Variants in TIMMDC1 observed in about 807,000 individuals in gnomAD.
The protein encoded by TIMMDC1 is translocase of inner mitochondrial membrane domain containing 1.
Under a neutral mutation model 32.6 loss-of-function variants are expected in TIMMDC1, and 25 were observed. That is an observed-to-expected ratio of 0.77 (90% CI 0.56 to 1.07). The LOEUF is 1.07. Among genes scored for constraint, TIMMDC1 ranks in the 50% least tolerant of loss-of-function variants. The pLI, the probability that TIMMDC1 is intolerant of heterozygous loss-of-function variation, is 0.00. For synonymous variants in TIMMDC1, 130 were observed against 127.6 expected (o/e 1.02, Z -0.13); for missense variants, 329 against 349.2 (o/e 0.94, Z 0.46).
Position 119,513,646 on chromosome 3 carries a change from A to G in TIMMDC1, c.523A>G (p.Thr175Ala), listed in dbSNP as rs552806826. The G allele has an allele frequency of 4.0e-5, 65 of 1,612,484 alleles. No homozygotes were observed. In the South Asian group the frequency reaches 6.3e-4, roughly 16 times the overall value. ...CCTTTCTTGTTTTTAAATAGCTGTC[A>G]CGGGAAGTCTTTTTAGGATAAACGT... ...LSHFVIAGAV[T>A]GSLFRINVGL... The change falls in exon 5 of 7, where the codon ACG becomes GCG. Residue 175 changes from threonine (T) to alanine (A), a missense_variant. By Grantham distance (58) the Thr-to-Ala change is moderately conservative. Transcript: ENST00000494664.
intron 6 of TIMMDC1, among the ~76,000 whole-genome samples, chr3:119,517,639 C>A (rs1037915667): frequency 6.6e-6 from 1 of 152,152 alleles, no homozygotes; most frequent in African/African-American, 2.4e-5. Flanking sequence ...AGGGAATATT[C>A]ACCAAGGAGT....
chr3:119,513,597 A>T, intron 4 of TIMMDC1, 44 bp from the exon 5 acceptor site: 1 of 1,420,608 alleles, frequency 7.0e-7, no homozygotes, highest in Non-Finnish European at 9.9e-7. Context: ...ATAGGATTCT[A>T]GTTTTAAAGA....
In TIMMDC1 at chr3:119,498,587, A is replaced by T. The variant is rs1464032741; in HGVS notation, c.-147A>T. ...ACTCCAAAGCGAGGCCGGGGACTGA[A>T]GGTGTGGGTGTCGAGCCCTCTGGCA... is the stretch of plus-strand genomic sequence containing the variant. On this transcript the variant is annotated 5_prime_UTR_variant, in exon 1 of 7. In the 5' UTR this introduces an upstream ATG that the reference lacks. Transcript: ENST00000494664. 12 of 716,444 alleles carry T rather than the reference A, an allele frequency of 1.7e-5. No homozygotes were observed. The highest frequency in any genetic ancestry group is 2.6e-5 in the Non-Finnish European group (11 of 427,570). The allele number at this position is 716,444 out of a possible 1,614,324, so 44.4% of individuals were successfully genotyped here.
Position 119,524,254 on chromosome 3 carries a change from T to C in TIMMDC1, c.*498T>C, listed in dbSNP as rs958241107. 1 of 152,236 alleles carries C rather than the reference T, an allele frequency of 6.6e-6. No individual in the cohort carries two copies. Among genetic ancestry groups the C allele is most frequent in the Non-Finnish European group, 1.5e-5 (1 of 68,062 alleles). The allele number at this position is 152,236 out of a possible 1,614,324, so 9.4% of individuals were successfully genotyped here. On this transcript the variant is annotated 3_prime_UTR_variant, in exon 7 of 7. Transcript: ENST00000494664. ...TAAACAAAGATGATTTCTTTGACAC[T>C]TGAAATAAAATACAAATTCAACAAA...
intron 6 of TIMMDC1, among the ~76,000 whole-genome samples, chr3:119,519,816 TTC>T (rs1207838736): frequency 1.3e-5 from 2 of 152,198 alleles, no homozygotes; most frequent in African/African-American, 4.8e-5. Flanking sequence ...ATACACGTTT[TTC>T]TTATCTTGAA....
intron 4 of TIMMDC1, among the ~76,000 whole-genome samples, chr3:119,509,123 G>A (rs1483792159): frequency 1.3e-5 from 2 of 152,026 alleles, no homozygotes; most frequent in Non-Finnish European, 2.9e-5. Flanking sequence ...GGAAAATGGC[G>A]TGAACCTGGG....
chr3:119,507,303 GTGTTTGTT>G (rs748852694), intron 4 of TIMMDC1, among the ~76,000 whole-genome samples: 13 of 152,036 alleles, frequency 8.6e-5, no homozygotes, highest in Non-Finnish European at 4.4e-5. Context: ...ATTTTATTCT[GTGTTTGTT>G]TGTTTGTTTG....
intron 1 of TIMMDC1, among the ~76,000 whole-genome samples, chr3:119,499,825 C>T (rs1300008113): frequency 6.6e-6 from 1 of 152,196 alleles, no homozygotes; most frequent in African/African-American, 2.4e-5. Flanking sequence ...GCAGTTCTAG[C>T]TTCTTATGCA....
chr3:119,499,086 TTC>T (rs1332288959), intron 1 of TIMMDC1, 159 bp downstream of exon 1: 55 of 606,214 alleles, frequency 9.1e-5, no homozygotes, highest in Admixed American at 3.3e-4. Flanking sequence ...TGTATCTTTT[TTC>T]TTTCTTTTTT....
intron 4 of TIMMDC1, 99 bp downstream of exon 4, chr3:119,504,120 T>C: frequency 1.2e-6 from 1 of 849,438 alleles, no homozygotes; most frequent in Non-Finnish European, 1.9e-6. Flanking sequence ...TTGGTTGGCT[T>C]CCCATTACAT....
At chr3:119,499,481 G>T (rs1482364191) in intron 1 of TIMMDC1, among the ~76,000 whole-genome samples, 1 of 148,300 alleles carries the variant, frequency 6.7e-6, no homozygotes, top group African/African-American at 2.5e-5. Flanking sequence ...GCAGTGGTGC[G>T]ATCTTGGCTC....
chr3:119,504,088 T>G, intron 4 of TIMMDC1, 67 bp downstream of exon 4: 1 of 1,212,332 alleles, frequency 8.2e-7, no homozygotes. Flanking sequence ...TAAGGACTTA[T>G]ACATCAGAAC....
At chr3:119,513,480 C>T (rs1041814444) in intron 4 of TIMMDC1, among the ~76,000 whole-genome samples, 161 bp from the exon 5 acceptor site, 2 of 152,114 alleles carry the variant, frequency 1.3e-5, no homozygotes, top group African/African-American at 4.8e-5. Context: ...GGGAAGCTAC[C>T]TGTGTTGGCA....
At chr3:119,505,486 C>T (rs2081912423) in intron 4 of TIMMDC1, among the ~76,000 whole-genome samples, 1 of 152,092 alleles carries the variant, frequency 6.6e-6, no homozygotes, top group Admixed American at 6.5e-5. Context: ...CTGCCTCAGC[C>T]TCCCTAGTAG....
intron 4 of TIMMDC1, among the ~76,000 whole-genome samples, chr3:119,509,273 T>C (rs1453158596): frequency 6.6e-6 from 1 of 152,144 alleles, no homozygotes; most frequent in Non-Finnish European, 1.5e-5. Flanking sequence ...CTGCCCAAGA[T>C]AAATGAAAAC....
chr3:119,503,870 A>T, intron 3 of TIMMDC1, 84 bp from the exon 4 acceptor site: 1 of 1,220,928 alleles, frequency 8.2e-7, no homozygotes, highest in East Asian at 2.3e-5. Context: ...TTCTAAATCT[A>T]TTAAGTCAGT....
At chr3:119,505,586 C>G (rs2081913612) in intron 4 of TIMMDC1, among the ~76,000 whole-genome samples, 2 of 152,092 alleles carry the variant, frequency 1.3e-5, no homozygotes. Flanking sequence ...AGGCTGGTCT[C>G]GAACTCCCGA....
chr3:119,515,163 C>T (rs541847934), intron 5 of TIMMDC1, among the ~76,000 whole-genome samples: 173 of 148,326 alleles, frequency 1.2e-3, no homozygotes, highest in African/African-American at 4.1e-3. Flanking sequence ...GAGCCAAGAT[C>T]GCACCATTGC....
Position 119,498,669 on chromosome 3 carries a change from G to A in TIMMDC1, c.-65G>A, listed in dbSNP as rs1355692879. On this transcript the variant is annotated 5_prime_UTR_variant, in exon 1 of 7. Transcript: ENST00000494664. ...TCACCTCGTACAGTTACGCTCTCCCGCGGCACGTCCGCGAGGACTTGAAGT... is the reference window on the plus strand; with the variant it reads ...TCACCTCGTACAGTTACGCTCTCCCACGGCACGTCCGCGAGGACTTGAAGT... 1 of 1,530,050 alleles carries A rather than the reference G, an allele frequency of 6.5e-7. No individual in the cohort carries two copies. The highest frequency in any genetic ancestry group is 9.0e-7 in the Non-Finnish European group (1 of 1,113,582). 94.8% of individuals were successfully genotyped at this position (1,530,050 alleles called of 1,614,324 possible).
Sources: gnomAD v4.1 joint callset for allele counts (sites outside exome capture counted in the v4.1 genomes callset) on GRCh38, gnomAD v4.1.1 for gene constraint, MANE v1.5 for transcripts, NCBI Gene and HGNC (gene_info 2026-07-23, HGNC 2026-07-21) for gene names.